UMODL1: variants seen among roughly 807,000 people sequenced by gnomAD.
The protein encoded by UMODL1 is uromodulin-like 1.
A neutral mutation model predicts 136.3 loss-of-function variants in UMODL1; 128 were observed. The observed-to-expected ratio is 0.94, with a 90% confidence interval of 0.81 to 1.09. UMODL1 has a LOEUF of 1.09. Ranked by LOEUF, UMODL1 falls within the 50% of genes least tolerant of loss-of-function variation. UMODL1 has a pLI of 0.00. For synonymous variants in UMODL1, 721 were observed against 720.0 expected (o/e 1.00, Z -0.02); for missense variants, 1,766 against 1,725.6 (o/e 1.02, Z -0.41).
At chr21:42,093,815 A>C (rs2066521485) in intron 6 of UMODL1, 1 of 450,916 alleles carries the variant, frequency 2.2e-6, no homozygotes, top group African/African-American at 2.0e-5. Flanking sequence ...CAGGTATTAA[A>C]AATTTCCAGC....
chr21:42,133,887 T>G (rs113751776), intron 21 of UMODL1, among the ~76,000 whole-genome samples: 3,935 of 137,224 alleles, frequency 0.029, 84 homozygotes, highest in Middle Eastern at 0.049. Flanking sequence ...AATATATCTG[T>G]TTTTTGTTTT....
At position 42,137,638 on chromosome 21, in the gene UMODL1, G is replaced by A. The variant is rs1270421696; in HGVS notation, c.*18G>A. Reference sequence around the variant, plus strand: ...ACGAATAGGAGGCGCAGGCTGACAGGAAGGTGGGTGCGGAGTGGGGTGGGA... The same window carrying A: ...ACGAATAGGAGGCGCAGGCTGACAGAAAGGTGGGTGCGGAGTGGGGTGGGA... On this transcript the variant is annotated 3_prime_UTR_variant, in exon 22 of 23. Transcript: ENST00000408910. 12 of 1,045,100 alleles carry A rather than the reference G, an allele frequency of 1.1e-5. No individual in the cohort carries two copies. The highest frequency in any genetic ancestry group is 1.4e-5 in the Non-Finnish European group (11 of 786,544). The allele number at this position is 1,045,100 out of a possible 1,614,324, so 64.7% of individuals were successfully genotyped here.
chr21:42,103,783 G>A (rs746140269), intron 8 of UMODL1, 85 bp from the exon 9 acceptor site: 1 of 1,497,020 alleles, frequency 6.7e-7, no homozygotes, highest in Non-Finnish European at 9.3e-7. Context: ...ATGGCTCCAA[G>A]CACCATCCAT....
intron 7 of UMODL1, among the ~76,000 whole-genome samples, chr21:42,101,268 C>T (rs1382097424): frequency 6.6e-6 from 1 of 152,072 alleles, no homozygotes; most frequent in African/African-American, 2.4e-5. Context: ...GAGGAGGCCG[C>T]CAGTCCACGG....
intron 17 of UMODL1, among the ~76,000 whole-genome samples, chr21:42,124,763 C>T (rs1411719299): frequency 6.6e-6 from 1 of 152,214 alleles, no homozygotes; most frequent in South Asian, 2.1e-4. Context: ...TCCCTCAGGA[C>T]CTTTGAGCAG....
intron 14 of UMODL1, among the ~76,000 whole-genome samples, chr21:42,118,529 A>G (rs2066927517): frequency 6.6e-6 from 1 of 152,190 alleles, no homozygotes; most frequent in South Asian, 2.1e-4. Flanking sequence ...GTGTCCAAAG[A>G]GACAGAGTAG....
At chr21:42,136,708 A>G (rs1601288506) in intron 21 of UMODL1, among the ~76,000 whole-genome samples, 1 of 143,060 alleles carries the variant, frequency 7.0e-6, no homozygotes, top group Admixed American at 7.1e-5. Flanking sequence ...TAGGGTCCGC[A>G]CTCTGTTTTT....
chr21:42,099,619 G>T lies in UMODL1; in HGVS notation c.1186+439G>T, dbSNP rs534583052. 6.6e-6 allele frequency among the ~76,000 whole-genome samples: 1 copy of T among 152,174 alleles called. No individual in the cohort carries two copies. The highest frequency in any genetic ancestry group is 1.5e-5 in the Non-Finnish European group (1 of 68,036). ...AGGGGAGCATCGCTGACGTTTTCAC[G>T]CCTTGCTTCACTCATGATGCATGTA... On this transcript the variant is annotated intron_variant, in intron 7 of 22. Coordinates refer to ENST00000408910, the MANE Select transcript of UMODL1 (RefSeq NM_001004416.3). This position sits in a 1 kb window ranked among gnomAD's most constrained non-coding sequence, Gnocchi z 4.1.
chr21:42,068,706 G>A (rs1233963014), upstream of UMODL1, among the ~76,000 whole-genome samples: 2 of 152,204 alleles, frequency 1.3e-5, no homozygotes, highest in African/African-American at 2.4e-5. This position sits in a 1 kb window ranked among gnomAD's most constrained non-coding sequence, Gnocchi z 5.5. Context: ...GAATGAGCAT[G>A]CATGAGTGAT....
intron 6 of UMODL1, among the ~76,000 whole-genome samples, chr21:42,091,210 CTCT>C: frequency 1.3e-5 from 2 of 152,360 alleles, no homozygotes; most frequent in South Asian, 4.1e-4. Flanking sequence ...AGGTCCTAAT[CTCT>C]GCCTGTCTAG....
intron 8 of UMODL1, chr21:42,102,638 C>T (rs2066651027): frequency 1.2e-5 from 2 of 160,486 alleles, no homozygotes; most frequent in Admixed American, 1.3e-4. Context: ...ACAATCATGG[C>T]ATCCATTCCT....
rs146437082 is a variant in UMODL1, at chr21:42,086,827, G to A, written c.603+1415G>A. Among the ~76,000 whole-genome samples, 778 of 152,338 alleles carry A rather than the reference G, an allele frequency of 5.1e-3. 5 individuals are homozygous for A. The highest frequency in any genetic ancestry group is 8.4e-3 in the Non-Finnish European group (572 of 68,028). ...CTAGAAATCCAGTAATTAGCCAGGC[G>A]TGGTGGCACGTGCCTGTAATCCCAG... On this transcript the variant is annotated intron_variant, in intron 4 of 22. Transcript: ENST00000408910.
intron 14 of UMODL1, among the ~76,000 whole-genome samples, chr21:42,117,634 G>A (rs2066917452): frequency 6.6e-6 from 1 of 152,194 alleles, no homozygotes; most frequent in South Asian, 2.1e-4. Flanking sequence ...GCCTGTCGTG[G>A]TAATACCGTA....
In UMODL1 at chr21:42,123,064, C is replaced by T. The variant is rs1229936075; in HGVS notation, c.3061C>T (p.His1021Tyr). 1.2e-6 allele frequency: 2 copies of T among 1,614,132 alleles called. No individual in the cohort carries two copies. Among genetic ancestry groups the T allele is most frequent in the Non-Finnish European group, 1.7e-6 (2 of 1,180,034 alleles). The change falls in exon 17 of 23, where the codon CAC (histidine) becomes TAC (tyrosine). Residue 1021 changes from histidine (H) to tyrosine (Y), a missense_variant. His to Tyr is a moderately conservative substitution (Grantham distance 83, BLOSUM62 2). Coordinates refer to ENST00000408910, the MANE Select transcript of UMODL1 (RefSeq NM_001004416.3). The surrounding 1 kb of genome is among the most constrained non-coding windows in gnomAD (Gnocchi z 4.4). ...CCCCGAGTCCTCGTTGTACCTCAGCCACCCCTCCTGCAACGTGAGCCACAG... is the reference window on the plus strand; with the variant it reads ...CCCCGAGTCCTCGTTGTACCTCAGCTACCCCTCCTGCAACGTGAGCCACAG... ...SIPESSLYLS[H>Y]PSCNVSHSNG...
At chr21:42,127,857 G>A (rs1332778720) in intron 20 of UMODL1, 26 bp downstream of exon 20, 8 of 1,608,772 alleles carry the variant, frequency 5.0e-6, no homozygotes, top group Non-Finnish European at 6.8e-6. Flanking sequence ...TTTTCTAAAC[G>A]TTTGGTTGGA....
chr21:42,122,316 TG>T lies in UMODL1; in HGVS notation c.2828-510del. ...CTAGGCATTGAAACTGAACCTGCTC[TG>T]GGGGCAAGAAGGGAGCTGGAGTGGG... On this transcript the variant is annotated intron_variant, in intron 16 of 22. Transcript: ENST00000408910. The surrounding 1 kb of genome is among the most constrained non-coding windows in gnomAD (Gnocchi z 4.3). Among the ~76,000 whole-genome samples, 1 of 152,162 alleles carries T rather than the reference TG, an allele frequency of 6.6e-6. No homozygotes were observed. The highest frequency in any genetic ancestry group is 2.1e-4 in the South Asian group (1 of 4,810).
chr21:42,124,870 G>A (rs939834213), intron 17 of UMODL1, among the ~76,000 whole-genome samples: 3 of 152,154 alleles, frequency 2.0e-5, no homozygotes, highest in South Asian at 2.1e-4. Flanking sequence ...GCATGATGAT[G>A]TTTAGTCCCT....
chr21:42,093,622 C>T, intron 6 of UMODL1: 1 of 254,366 alleles, frequency 3.9e-6, no homozygotes, highest in African/African-American at 2.3e-5. Flanking sequence ...AGGGTCAGAT[C>T]TTCCCCCCAT....
At chr21:42,097,931 A>C (rs1330758262) in intron 6 of UMODL1, among the ~76,000 whole-genome samples, 1 of 152,236 alleles carries the variant, frequency 6.6e-6, no homozygotes, top group East Asian at 1.9e-4. Flanking sequence ...TAAAAAGGGC[A>C]ATAAAGGAAG....
Sources: gnomAD v4.1 joint callset for allele counts (sites outside exome capture counted in the v4.1 genomes callset) on GRCh38, gnomAD v4.1.1 for gene constraint, Gnocchi (gnomAD v3.1) non-coding constraint, MANE v1.5 for transcripts, NCBI Gene and HGNC (gene_info 2026-07-23, HGNC 2026-07-21) for gene names.